The following C5AR1 variants were observed in gnomAD, a reference collection of about 807,000 sequenced individuals.
C5AR1 encodes complement C5a receptor 1, also known as C5a anaphylatoxin chemotactic receptor 1.
C5AR1 carries 4 observed loss-of-function variants against 2.4 expected under a neutral mutation model. That is an observed-to-expected ratio of 1.65 (90% CI 0.81 to 3.77). C5AR1 has a LOEUF of 3.77. Ranked by LOEUF, C5AR1 falls within the 30% of genes most tolerant of loss-of-function variation. The pLI, the probability that C5AR1 is intolerant of heterozygous loss-of-function variation, is 0.01. For synonymous variants in C5AR1, 209 were observed against 210.4 expected (o/e 0.99, Z 0.06); for missense variants, 418 against 462.5 (o/e 0.90, Z 0.88).
At chr19:47,309,344 G>A (rs1439552182), upstream of C5AR1, among the ~76,000 whole-genome samples, 2 of 152,168 alleles carry the variant, frequency 1.3e-5, no homozygotes, top group East Asian at 3.9e-4. Context: ...GGAGGTTGAG[G>A]TGGGTGATTG....
chr19:47,316,119 C>A (rs577469898), intron 1 of C5AR1, among the ~76,000 whole-genome samples: 1 of 152,124 alleles, frequency 6.6e-6, no homozygotes, highest in East Asian at 1.9e-4. Context: ...GATTCTCCTG[C>A]CTCAGCCTCC....
chr19:47,316,744 C>T (rs576039600), intron 1 of C5AR1, among the ~76,000 whole-genome samples: 8 of 152,248 alleles, frequency 5.3e-5, no homozygotes, highest in African/African-American at 1.9e-4. Context: ...CTAAACCCCA[C>T]CTTTTTCATT....
In C5AR1 at chr19:47,320,038, G is replaced by C. The variant is rs1271573650; in HGVS notation, c.261G>C (p.Leu87=). The change falls in exon 2 of 2, where the codon CTG becomes CTC. Residue 87 remains leucine, a synonymous_variant. Coordinates refer to ENST00000355085, the MANE Select transcript of C5AR1 (RefSeq NM_001736.4). The surrounding 1 kb of genome is among the most constrained non-coding windows in gnomAD (Gnocchi z 4.9). ...NLAVADFLSC[L]ALPILFTSIV... ...CGGTAGCCGACTTCCTCTCCTGCCT[G>C]GCGCTGCCCATCTTGTTCACGTCCA... 1.2e-6 allele frequency: 2 copies of C among 1,614,208 alleles called. No individual in the cohort carries two copies. The highest frequency in any genetic ancestry group is 1.7e-6 in the Non-Finnish European group (2 of 1,180,032).
intron 1 of C5AR1, among the ~76,000 whole-genome samples, chr19:47,314,725 G>A (rs761828364): frequency 1.4e-5 from 2 of 145,748 alleles, no homozygotes; most frequent in African/African-American, 2.6e-5. Flanking sequence ...ATGGAGTCTC[G>A]CTATGTTGCC....
At chr19:47,316,636 T>G (rs909852356) in intron 1 of C5AR1, 1 of 152,158 alleles carries the variant, frequency 6.6e-6, no homozygotes. Flanking sequence ...CTTTTGTGAC[T>G]GGCTTCTTTC....
intron 1 of C5AR1, 80 bp downstream of exon 1, chr19:47,309,978 C>A: frequency 6.9e-7 from 1 of 1,442,442 alleles, no homozygotes. Context: ...CCTTCTCTCT[C>A]CCCAACTCTC....
intron 1 of C5AR1, among the ~76,000 whole-genome samples, chr19:47,315,863 C>A: frequency 6.6e-6 from 1 of 152,066 alleles, no homozygotes; most frequent in South Asian, 2.1e-4. Flanking sequence ...GGAAAAATGA[C>A]AAGAATGGAA....
chr19:47,318,246 C>T (rs1022385410), intron 1 of C5AR1, among the ~76,000 whole-genome samples: 2 of 151,970 alleles, frequency 1.3e-5, no homozygotes, highest in Admixed American at 6.6e-5. Flanking sequence ...GCCTACTTCA[C>T]CTTCTGGTGC....
Position 47,314,874 on chromosome 19 carries a change from A to G in C5AR1, c.4-4907A>G, listed in dbSNP as rs918356279. ...ACACCCAGCTAATTTTTGTATTTTT[A>G]GTAGAGACGGGGTTTCACTATGTTG... is the stretch of plus-strand genomic sequence containing the variant. On this transcript the variant is annotated intron_variant, in intron 1 of 1. Transcript: ENST00000355085. Among the ~76,000 whole-genome samples, 9 of 151,992 alleles carry G rather than the reference A, an allele frequency of 5.9e-5. No individual in the cohort carries two copies. The South Asian group carries it at 8.3e-4, about 14-fold the overall frequency.
Position 47,321,059 on chromosome 19 carries a change from C to CCCCCCA in C5AR1, c.*234_*235insACCCCC, listed in dbSNP as rs2059309205. ...CTAGGGAGCACCCTCCCACCCCCCA[C>CCCCCCA]CCCCCCCACACACACCATCTTTCCA... On this transcript the variant is annotated 3_prime_UTR_variant, in exon 2 of 2. Transcript: ENST00000355085. 8.7e-6 allele frequency: 1 copy of CCCCCCA among 115,396 alleles called. No homozygotes were observed. Among genetic ancestry groups the CCCCCCA allele is most frequent in the Admixed American group, 2.4e-4 (1 of 4,136 alleles). 7.1% of individuals were successfully genotyped at this position (115,396 alleles called of 1,614,324 possible). A position where few individuals can be genotyped will look rare whatever the true frequency, so the allele number is the denominator to read the frequency against.
In C5AR1 at chr19:47,320,375, C is replaced by G. The variant is rs555043742; in HGVS notation, c.598C>G (p.Arg200Gly). The G allele has an allele frequency of 6.2e-7, 1 of 1,609,438 alleles. No homozygotes were observed. The highest frequency in any genetic ancestry group is 8.5e-7 in the Non-Finnish European group (1 of 1,179,890). ...VDYSHDKRRE[R>G]AVAIVRLVLG... ...CTACAGCCACGACAAACGGCGGGAG[C>G]GAGCCGTGGCCATCGTCCGGCTGGT... Residue 200 changes from arginine to glycine, a missense_variant, in exon 2 of 2, where the codon CGA becomes GGA. Transcript: ENST00000355085. This position sits in a 1 kb window ranked among gnomAD's most constrained non-coding sequence, Gnocchi z 4.9.
chr19:47,321,063 C>G lies in C5AR1; in HGVS notation c.*233C>G, dbSNP rs1485786154. On this transcript the variant is annotated 3_prime_UTR_variant, in exon 2 of 2. Coordinates refer to ENST00000355085, the MANE Select transcript of C5AR1 (RefSeq NM_001736.4). ...GGAGCACCCTCCCACCCCCCACCCC[C>G]CCCACACACACCATCTTTCCATCCC... The G allele has an allele frequency of 4.1e-6, 1 of 244,980 alleles. No homozygotes were observed. Among genetic ancestry groups the G allele is most frequent in the African/African-American group, 5.8e-5 (1 of 17,348 alleles). The allele number at this position is 244,980 out of a possible 1,614,324, so 15.2% of individuals were successfully genotyped here. A position where few individuals can be genotyped will look rare whatever the true frequency, so the allele number is the denominator to read the frequency against.
chr19:47,315,035 C>T (rs1009137602), intron 1 of C5AR1, among the ~76,000 whole-genome samples: 2 of 152,096 alleles, frequency 1.3e-5, no homozygotes, highest in African/African-American at 4.8e-5. Context: ...ATTATATAAA[C>T]ATTCTTTTTG....
intron 1 of C5AR1, among the ~76,000 whole-genome samples, chr19:47,318,117 C>T (rs73554060): frequency 0.025 from 3,869 of 152,092 alleles, 49 homozygotes; most frequent in Non-Finnish European, 0.029. Context: ...AAGTGGCCTT[C>T]AGGACTGGGC....
Position 47,320,336 on chromosome 19 carries a change from T to C in C5AR1, c.559T>C (p.Leu187=). 3.7e-6 allele frequency: 6 copies of C among 1,609,896 alleles called. No homozygotes were observed. The highest frequency in any genetic ancestry group is 5.1e-6 in the Non-Finnish European group (6 of 1,179,984). The change falls in exon 2 of 2, where the codon TTG becomes CTG. Residue 187 remains leucine, a synonymous_variant. Coordinates refer to ENST00000355085, the MANE Select transcript of C5AR1 (RefSeq NM_001736.4). The surrounding 1 kb of genome is among the most constrained non-coding windows in gnomAD (Gnocchi z 4.9). ...GGAGGAGTACTTTCCACCAAAGGTGTTGTGTGGCGTGGACTACAGCCACGA... is the reference window on the plus strand; with the variant it reads ...GGAGGAGTACTTTCCACCAAAGGTGCTGTGTGGCGTGGACTACAGCCACGA... ...VREEYFPPKV[L]CGVDYSHDKR... is the part of the protein sequence containing the mutation.
chr19:47,317,515 A>ATAT (rs1351127839), intron 1 of C5AR1, among the ~76,000 whole-genome samples: 24 of 114,742 alleles, frequency 2.1e-4, no homozygotes, highest in Admixed American at 1.3e-3. Flanking sequence ...CTCAAAAAAA[A>ATAT]AAAAATATAT....
In C5AR1 at chr19:47,321,531, A is replaced by AC. The variant is rs35042977; in HGVS notation, c.*702dup. On this transcript the variant is annotated 3_prime_UTR_variant, in exon 2 of 2. Transcript: ENST00000355085. ...AGGCTGAGGTGGGAGAATTGCTCGAACTTGGAGGTGGAGGTTGTGGTGAGC... is the reference window on the plus strand; with the variant it reads ...AGGCTGAGGTGGGAGAATTGCTCGAACCTTGGAGGTGGAGGTTGTGGTGAGC... 0.99 allele frequency: 150,721 copies of AC among 152,322 alleles called. 74,584 individuals carry two copies. The highest frequency in any genetic ancestry group is 1 in the East Asian group (5,178 of 5,178). The allele number at this position is 152,322 out of a possible 1,614,324, so 9.4% of individuals were successfully genotyped here. A position where few individuals can be genotyped will look rare whatever the true frequency, so the allele number is the denominator to read the frequency against.
intron 1 of C5AR1, among the ~76,000 whole-genome samples, chr19:47,312,306 G>A (rs2059273516): frequency 6.6e-6 from 1 of 152,090 alleles, no homozygotes; most frequent in Non-Finnish European, 1.5e-5. Flanking sequence ...GGCTGGTCTT[G>A]AACTCCTGGC....
In C5AR1 at chr19:47,309,867, G is replaced by C; in HGVS notation, c.-29G>C. 6.2e-7 allele frequency: 1 copy of C among 1,612,026 alleles called. No individual in the cohort carries two copies. Among genetic ancestry groups the C allele is most frequent in the South Asian group, 1.1e-5 (1 of 90,914 alleles). On this transcript the variant is annotated 5_prime_UTR_variant, in exon 1 of 2. Coordinates refer to ENST00000355085, the MANE Select transcript of C5AR1 (RefSeq NM_001736.4). ...CAGCCCTTGGGCAGGAGGGACCTTC[G>C]ATCCTCGGGGAGCCCAGGAGACCAG...
Sources: allele counts gnomAD v4.1 joint callset (sites outside exome capture counted in the v4.1 genomes callset), GRCh38; gene constraint gnomAD v4.1.1; non-coding constraint Gnocchi (gnomAD v3.1); transcripts MANE v1.5; gene names NCBI Gene and HGNC (gene_info 2026-07-23, HGNC 2026-07-21).